The following PATE3 variants were observed in gnomAD, a reference collection of about 807,000 sequenced individuals.
PATE3 encodes the protein prostate and testis expressed 3.
A neutral mutation model predicts 7.4 loss-of-function variants in PATE3; 7 were observed. The observed-to-expected ratio is 0.95, with a 90% CI of 0.54 to 1.78. The LOEUF is 1.78. PATE3 is among the 40% of genes most tolerant of loss of function. PATE3 has a pLI of 0.00. For synonymous variants in PATE3, 38 were observed against 40.2 expected (o/e 0.94, Z 0.21); for missense variants, 117 against 122.5 (o/e 0.96, Z 0.21).
rs987101265 is a variant in PATE3, at chr11:125,790,380, C to T, written c.173-98C>T. 8.8e-6 allele frequency: 11 copies of T among 1,250,648 alleles called. No homozygotes were observed. In the African/African-American group the frequency reaches 1.2e-4, roughly 14 times the overall value. The allele number at this position is 1,250,648 out of a possible 1,614,324, so 77.5% of individuals were successfully genotyped here. On this transcript the variant is annotated intron_variant, in intron 2 of 2. Transcript: ENST00000445202. ...GCTGGGAAGCCATTCCTCAACCTAC[C>T]CTAATTAAATTTTCACCAACAGAAC...
chr11:125,788,861 A>T (rs1447936456), intron 1 of PATE3, among the ~76,000 whole-genome samples: 2 of 152,140 alleles, frequency 1.3e-5, no homozygotes, highest in African/African-American at 4.8e-5. Context: ...GCACTAGGGA[A>T]ATTTTTTTAA....
chr11:125,790,036 C>T (rs1404057503), intron 2 of PATE3, among the ~76,000 whole-genome samples: 1 of 151,662 alleles, frequency 6.6e-6, no homozygotes, highest in Non-Finnish European at 1.5e-5. Context: ...TAAGCCAGGC[C>T]CAGAAAGACA....
In PATE3 at chr11:125,788,332, A is replaced by G. The variant is rs997935265; in HGVS notation, c.49+132A>G. On this transcript the variant is annotated intron_variant, in intron 1 of 2. Transcript: ENST00000445202. ...TATGAGCCAGGGGAAGCCAGCCTCCAGAATGCTCCTCTGCCTTCCCTGACA... is the reference window on the plus strand; with the variant it reads ...TATGAGCCAGGGGAAGCCAGCCTCCGGAATGCTCCTCTGCCTTCCCTGACA... 4.1e-6 allele frequency: 3 copies of G among 738,444 alleles called. No individual in the cohort carries two copies. In the African/African-American group the frequency reaches 5.4e-5, roughly 13 times the overall value. 45.7% of individuals were successfully genotyped at this position (738,444 alleles called of 1,614,324 possible).
intron 1 of PATE3, 94 bp downstream of exon 1, chr11:125,788,294 C>A: frequency 8.4e-7 from 1 of 1,189,010 alleles, no homozygotes; most frequent in Non-Finnish European, 1.2e-6. Context: ...CAGGGCTGAG[C>A]TTTGGCCACT....
Position 125,788,182 on chromosome 11 carries a change from C to G in PATE3, c.31C>G (p.Leu11Val), listed in dbSNP as rs755777223. The change falls in exon 1 of 3, where the codon CTT (leucine) becomes GTT (valine). Residue 11 changes from leucine (L) to valine (V), a missense_variant. Leu to Val is a conservative substitution (Grantham distance 32). Coordinates refer to ENST00000445202, the MANE Select transcript of PATE3 (RefSeq NM_001129883.4). ...CAAACACTTCTTGTTCCTCTTCCTC[C>G]TTTACTGCCTCATTGTGGGTGAGTC... MNKHFLFLFL[L>V]YCLIVAVTSL... 31 of 1,551,314 alleles carry G rather than the reference C, an allele frequency of 2.0e-5. 1 individual carries two copies. In the South Asian group the frequency reaches 2.7e-4, roughly 14 times the overall value.
chr11:125,789,439 T>C lies in PATE3; in HGVS notation c.103T>C (p.Cys35Arg). The C allele has an allele frequency of 6.4e-7, 1 of 1,551,684 alleles. No homozygotes were observed. The highest frequency in any genetic ancestry group is 8.7e-7 in the Non-Finnish European group (1 of 1,146,938). ...TCHLRTRTDR[C>R]RRGFGVCTAQ... The stretch of plus-strand genomic sequence containing the variant: ...CCACCTTCGCACACGGACAGACCGC[T>C]GTAGAAGAGGCTTTGGTGTCTGTAC... The change falls in exon 2 of 3, where the codon TGT (cysteine) becomes CGT (arginine). Residue 35 changes from cysteine (C) to arginine (R), a missense_variant. Cys to Arg is a radical substitution (Grantham distance 180). Coordinates refer to ENST00000445202, the MANE Select transcript of PATE3 (RefSeq NM_001129883.4).
At chr11:125,789,984 C>T (rs1943595627) in intron 2 of PATE3, among the ~76,000 whole-genome samples, 1 of 152,072 alleles carries the variant, frequency 6.6e-6, no homozygotes, top group Non-Finnish European at 1.5e-5. Context: ...CTGTCCTTTG[C>T]AGAAACAGAG....
At chr11:125,788,310 G>C (rs1314176605) in intron 1 of PATE3, 110 bp downstream of exon 1, 11 of 997,098 alleles carry the variant, frequency 1.1e-5, no homozygotes, top group Admixed American at 2.8e-5. Context: ...CCACTTTTAT[G>C]AGCCAGGGGA....
chr11:125,789,840 C>T (rs1207026784), intron 2 of PATE3, among the ~76,000 whole-genome samples: 1 of 152,122 alleles, frequency 6.6e-6, no homozygotes, highest in Non-Finnish European at 1.5e-5. Flanking sequence ...TATTCATCAC[C>T]TCAAACATTT....
At chr11:125,788,591 T>C (rs1943584305) in intron 1 of PATE3, among the ~76,000 whole-genome samples, 1 of 152,244 alleles carries the variant, frequency 6.6e-6, no homozygotes, top group South Asian at 2.1e-4. Context: ...ACAATGGCTT[T>C]TGATACCCTT....
rs940182942 is a variant in PATE3 at position 125,791,597 on chromosome 11, A to T, written c.*995A>T. The T allele has an allele frequency of 9.2e-5, 14 of 152,214 alleles. No individual in the cohort carries two copies. Among genetic ancestry groups the T allele is most frequent in the Admixed American group, 5.2e-4 (8 of 15,274 alleles). 9.4% of individuals were successfully genotyped at this position (152,214 alleles called of 1,614,324 possible). A position where few individuals can be genotyped will look rare whatever the true frequency, so the allele number is the denominator to read the frequency against. On this transcript the variant is annotated 3_prime_UTR_variant, in exon 3 of 3. Transcript: ENST00000445202. ...TCTTTAAGTAATAAACCGACTTCAC[A>T]TAACTTGTTGTGTGTTGGTGTGTTC... is the stretch of plus-strand genomic sequence containing the variant.
chr11:125,789,294 C>T, intron 1 of PATE3, 92 bp from the exon 2 acceptor site: 3 of 1,336,992 alleles, frequency 2.2e-6, no homozygotes, highest in East Asian at 2.6e-5. Flanking sequence ...GCCCCCTCCA[C>T]TATTCATTCC....
At chr11:125,789,560 T>TAGTG (rs1168687769) in intron 2 of PATE3, 52 bp downstream of exon 2, 3 of 1,520,434 alleles carry the variant, frequency 2.0e-6, no homozygotes, top group Non-Finnish European at 2.7e-6. Context: ...ATTCTTAGGA[T>TAGTG]AGTGCTTCAG....
In PATE3 at chr11:125,788,689, G is replaced by A. The variant is rs527486887; in HGVS notation, c.49+489G>A. ...AGACAGATTTTTTTCATGGTTTGTAGTCACGGTCTCAAAATCTCTGTACCT... is the reference window on the plus strand; with the variant it reads ...AGACAGATTTTTTTCATGGTTTGTAATCACGGTCTCAAAATCTCTGTACCT... On this transcript the variant is annotated intron_variant, in intron 1 of 2. Transcript: ENST00000445202. 4.1e-4 allele frequency among the ~76,000 whole-genome samples: 62 copies of A among 152,220 alleles called. No homozygotes were observed. The South Asian group carries it at 0.013, about 32-fold the overall frequency.
intron 1 of PATE3, 38 bp downstream of exon 1, chr11:125,788,238 G>A (rs1304263893): frequency 6.5e-6 from 10 of 1,527,940 alleles, no homozygotes; most frequent in Non-Finnish European, 8.9e-6. Context: ...TGAGAGACAG[G>A]ATCTAGGGAG....
Position 125,790,637 on chromosome 11 carries a change from T to A in PATE3, c.*35T>A. The A allele has an allele frequency of 6.5e-7, 1 of 1,540,218 alleles. No homozygotes were observed. The highest frequency in any genetic ancestry group is 8.8e-7 in the Non-Finnish European group (1 of 1,140,598). ...CCTCCTGAGGTCTCGCTTTGGAATG[T>A]CCCCAATGTTGCTCATCCTTCACAC... On this transcript the variant is annotated 3_prime_UTR_variant, in exon 3 of 3. Coordinates refer to ENST00000445202, the MANE Select transcript of PATE3 (RefSeq NM_001129883.4).
intron 2 of PATE3, among the ~76,000 whole-genome samples, chr11:125,789,723 C>G (rs1591467643): frequency 6.6e-6 from 1 of 152,252 alleles, no homozygotes; most frequent in African/African-American, 2.4e-5. Flanking sequence ...ACTGACCAAA[C>G]AGATTTTTTT....
At chr11:125,788,626 G>A (rs545800909) in intron 1 of PATE3, among the ~76,000 whole-genome samples, 5 of 152,292 alleles carry the variant, frequency 3.3e-5, no homozygotes, top group Non-Finnish European at 5.9e-5. Context: ...ATTACAACAA[G>A]TAATTCTATG....
Position 125,790,731 on chromosome 11 carries a change from G to A in PATE3, c.*129G>A, listed in dbSNP as rs962011915. 34 of 915,616 alleles carry A rather than the reference G, an allele frequency of 3.7e-5. No individual in the cohort carries two copies. The highest frequency in any genetic ancestry group is 5.0e-5 in the Non-Finnish European group (31 of 622,136). The allele number at this position is 915,616 out of a possible 1,614,324, so 56.7% of individuals were successfully genotyped here. ...CCCTGCCCTCGCATTAACCTAAGAAGACTAAACTAGTGTGATCCTTTCTGG... is the reference window on the plus strand; with the variant it reads ...CCCTGCCCTCGCATTAACCTAAGAAAACTAAACTAGTGTGATCCTTTCTGG... On this transcript the variant is annotated 3_prime_UTR_variant, in exon 3 of 3. Coordinates refer to ENST00000445202, the MANE Select transcript of PATE3 (RefSeq NM_001129883.4).
Sources: gnomAD v4.1 joint callset for allele counts (sites outside exome capture counted in the v4.1 genomes callset) on GRCh38, gnomAD v4.1.1 for gene constraint, MANE v1.5 for transcripts, NCBI Gene and HGNC (gene_info 2026-07-23, HGNC 2026-07-21) for gene names.